STK32B: variants seen among roughly 807,000 people sequenced by gnomAD.
The protein encoded by STK32B is serine/threonine-protein kinase 32B.
A neutral mutation model predicts 52.6 loss-of-function variants in STK32B; 43 were observed. The ratio of observed to expected loss-of-function variants is 0.82; its 90% CI spans 0.64 to 1.05. The LOEUF (loss-of-function observed/expected upper bound fraction) is 1.05, where lower values mean the gene tolerates loss of function less well. STK32B is among the 50% of genes least tolerant of loss of function. The probability of loss-of-function intolerance (pLI) is 0.00; values close to 1 mark genes in which losing one functional copy is unlikely to be tolerated. For missense variants in STK32B, 621 were observed against 534.6 expected (o/e 1.16, Z -1.59); for synonymous variants, 238 against 204.3 (o/e 1.17, Z -1.41).
rs183359533 is a variant in STK32B, at chr4:5,400,399, C to T, written c.472+2155C>T. 2.1e-3 allele frequency among the ~76,000 whole-genome samples: 314 copies of T among 152,250 alleles called. No individual in the cohort carries two copies. Among genetic ancestry groups the T allele is most frequent in the African/African-American group, 7.1e-3 (296 of 41,544 alleles). ...CTTGAGCTCCTCATCTTTTTCCACC[C>T]CCTGCTTGGCCTTCACAGTGTCCCA... On this transcript the variant is annotated intron_variant, in intron 5 of 11. Coordinates refer to ENST00000282908, the MANE Select transcript of STK32B (RefSeq NM_018401.3). The surrounding 1 kb of genome is among the most constrained non-coding windows in gnomAD (Gnocchi z 6.1).
intron 3 of STK32B, among the ~76,000 whole-genome samples, chr4:5,280,322 C>T (rs1176996539): frequency 6.6e-6 from 1 of 152,174 alleles, no homozygotes; most frequent in African/African-American, 2.4e-5. Context: ...GTAAGTTCCT[C>T]ATCTCCATCT....
intron 3 of STK32B, among the ~76,000 whole-genome samples, chr4:5,319,137 G>A (rs778629687): frequency 1.3e-5 from 2 of 152,126 alleles, no homozygotes; most frequent in Admixed American, 6.6e-5. Context: ...CACTCATTAT[G>A]TGTCAGTCAC....
At chr4:5,296,766 T>C (rs1368344925) in intron 3 of STK32B, among the ~76,000 whole-genome samples, 1 of 152,196 alleles carries the variant, frequency 6.6e-6, no homozygotes, top group African/African-American at 2.4e-5. Context: ...CATTGACATT[T>C]AAGGTTAATA....
In STK32B at chr4:5,188,429, G is replaced by A. The variant is rs185697269; in HGVS notation, c.260+19979G>A. ...GGCAGCTCCCCATGGTTTCCCTGACGTCAGGCGCACATGCCCCTTCTCCGA... is the reference window on the plus strand; with the variant it reads ...GGCAGCTCCCCATGGTTTCCCTGACATCAGGCGCACATGCCCCTTCTCCGA... On this transcript the variant is annotated intron_variant, in intron 3 of 11. Transcript: ENST00000282908. 1.5e-3 allele frequency among the ~76,000 whole-genome samples: 224 copies of A among 152,226 alleles called. 1 individual carries two copies. The highest frequency in any genetic ancestry group is 6.8e-3 in the Middle Eastern group (2 of 294).
chr4:5,284,481 CTT>C (rs1258790846), intron 3 of STK32B, among the ~76,000 whole-genome samples: 1 of 151,730 alleles, frequency 6.6e-6, no homozygotes, highest in African/African-American at 2.4e-5. Flanking sequence ...TTTTTTTTGT[CTT>C]ATCAATTACT....
chr4:5,374,162 A>G (rs1316272191), intron 4 of STK32B, among the ~76,000 whole-genome samples: 3 of 152,200 alleles, frequency 2.0e-5, no homozygotes, highest in African/African-American at 4.8e-5. Flanking sequence ...AGAGGCAAGA[A>G]GAGTTCTCCC....
intron 1 of STK32B, among the ~76,000 whole-genome samples, chr4:5,074,863 C>G (rs1006693072): frequency 1.3e-5 from 2 of 152,058 alleles, no homozygotes; most frequent in African/African-American, 4.8e-5. Context: ...GAATGGATCT[C>G]TTTTGGTTTT....
intron 3 of STK32B, among the ~76,000 whole-genome samples, chr4:5,313,909 A>G (rs1036899665): frequency 3.9e-5 from 6 of 152,364 alleles, no homozygotes; most frequent in African/African-American, 1.2e-4. Context: ...GCTGAAAATC[A>G]TAAAATGCTG....
intron 4 of STK32B, chr4:5,345,270 TAA>T (rs1211118174): frequency 1.3e-5 from 2 of 151,836 alleles, no homozygotes; most frequent in East Asian, 1.9e-4. Flanking sequence ...TTATAAAATT[TAA>T]AAGATTCAAA....
chr4:5,351,442 C>T (rs1057335378), intron 4 of STK32B, among the ~76,000 whole-genome samples: 1 of 151,774 alleles, frequency 6.6e-6, no homozygotes, highest in Non-Finnish European at 1.5e-5. Context: ...CATGCCAAAA[C>T]GAATGGGATA....
At chr4:5,195,608 G>A (rs527754995) in intron 3 of STK32B, among the ~76,000 whole-genome samples, 4 of 152,264 alleles carry the variant, frequency 2.6e-5, no homozygotes, top group East Asian at 3.9e-4. Context: ...CAGGAGAATC[G>A]CTTGAACCTG....
At chr4:5,416,294 C>T (rs998201911) in intron 5 of STK32B, among the ~76,000 whole-genome samples, 2 of 152,118 alleles carry the variant, frequency 1.3e-5, no homozygotes, top group African/African-American at 4.8e-5. Context: ...TGAACACCTA[C>T]TTTGTAGGTG....
At chr4:5,163,538 CTGTG>C (rs3077842) in intron 2 of STK32B, among the ~76,000 whole-genome samples, 28,206 of 139,196 alleles carry the variant, frequency 0.2, 2,796 homozygotes, top group Non-Finnish European at 0.26. Flanking sequence ...AGAGTGAAGG[CTGTG>C]TGTGTGTGTG....
intron 3 of STK32B, among the ~76,000 whole-genome samples, chr4:5,225,907 A>G (rs1357922555): frequency 6.6e-6 from 1 of 152,158 alleles, no homozygotes. Flanking sequence ...AAGCAGGAGA[A>G]TTTATCCAAA....
At chr4:5,280,661 G>A (rs547887646) in intron 3 of STK32B, among the ~76,000 whole-genome samples, 2 of 152,096 alleles carry the variant, frequency 1.3e-5, no homozygotes, top group Non-Finnish European at 2.9e-5. Context: ...TTGGGAGGCC[G>A]AGGTGGGTGG....
At chr4:5,046,492 C>T (rs1741620220), upstream of STK32B, among the ~76,000 whole-genome samples, 1 of 152,102 alleles carries the variant, frequency 6.6e-6, no homozygotes, top group Admixed American at 6.6e-5. Context: ...AAAGCAATTG[C>T]AACAAAAGCC....
In STK32B at chr4:5,317,536, C is replaced by CATATATAT. The variant is rs201529318; in HGVS notation, c.261-13682_261-13681insATATATAT. ...TAATATATTTATTATATATATATTA[C>CATATATAT]ATGTATATATATATATATATATAAC... On this transcript the variant is annotated intron_variant, in intron 3 of 11. Transcript: ENST00000282908. Among the ~76,000 whole-genome samples the CATATATAT allele has an allele frequency of 5.9e-3, 547 of 93,494 alleles. 66 individuals carry two copies. Among genetic ancestry groups the CATATATAT allele is most frequent in the African/African-American group, 0.035 (515 of 14,786 alleles). 61.3% of individuals were successfully genotyped at this position (93,494 alleles called of 152,430 possible). A position where few individuals can be genotyped will look rare whatever the true frequency, so the allele number is the denominator to read the frequency against.
intron 1 of STK32B, among the ~76,000 whole-genome samples, chr4:5,073,596 A>C (rs113838003): frequency 1.1e-4 from 16 of 151,966 alleles, no homozygotes; most frequent in African/African-American, 4.8e-5. Context: ...TATGGATTCA[A>C]AGTTTTATCA....
chr4:5,307,754 G>A (rs1038784063), intron 3 of STK32B, among the ~76,000 whole-genome samples: 1 of 152,106 alleles, frequency 6.6e-6, no homozygotes, highest in Non-Finnish European at 1.5e-5. Context: ...TTTAGGTAGA[G>A]TGTGTCAGAG....
Sources: allele counts gnomAD v4.1 joint callset (sites outside exome capture counted in the v4.1 genomes callset), GRCh38; gene constraint gnomAD v4.1.1; non-coding constraint Gnocchi (gnomAD v3.1); transcripts MANE v1.5; gene names NCBI Gene and HGNC (gene_info 2026-07-23, HGNC 2026-07-21).